The following SHANK2 variants were observed in gnomAD, a reference collection of about 807,000 sequenced individuals.
SHANK2 encodes the protein SH3 and multiple ankyrin repeat domains 2, also known as SH3 and multiple ankyrin repeat domains protein 2.
A neutral mutation model predicts 133.7 loss-of-function variants in SHANK2; 43 were observed. The ratio of observed to expected loss-of-function variants is 0.32; its 90% CI spans 0.25 to 0.41. The LOEUF (loss-of-function observed/expected upper bound fraction) is 0.41, where lower values mean the gene tolerates loss of function less well. Ranked by LOEUF, SHANK2 falls within the 10% of genes least tolerant of loss-of-function variation. SHANK2 has a pLI of 1.00. For synonymous variants in SHANK2, 1,017 were observed against 952.8 expected (o/e 1.07, Z -1.24); for missense variants, 1,994 against 2,235.8 (o/e 0.89, Z 2.18).
At chr11:70,876,621 A>G (rs1403007802) in intron 11 of SHANK2, among the ~76,000 whole-genome samples, 2 of 135,804 alleles carry the variant, frequency 1.5e-5, no homozygotes, top group African/African-American at 7.1e-5. Flanking sequence ...GCACACACAC[A>G]CATGCATACA....
At chr11:71,114,463 C>A (rs948557573) in intron 4 of SHANK2, among the ~76,000 whole-genome samples, 7 of 152,190 alleles carry the variant, frequency 4.6e-5, no homozygotes, top group African/African-American at 7.2e-5. Context: ...CTTTCTCCAC[C>A]ACGCCAAACA....
chr11:70,864,054 C>T, intron 11 of SHANK2: 1 of 343,088 alleles, frequency 2.9e-6, no homozygotes, highest in Non-Finnish European at 5.7e-6. Flanking sequence ...ACGACCTGGG[C>T]ACCTTGCAAG....
intron 14 of SHANK2, among the ~76,000 whole-genome samples, chr11:70,781,352 G>A (rs552123093): frequency 8.9e-4 from 134 of 151,008 alleles, no homozygotes; most frequent in Non-Finnish European, 1.7e-3. Flanking sequence ...TTATTGTCAG[G>A]ACCCTCAGAG....
chr11:70,474,303 C>CA, intron 25 of SHANK2: 1 of 152,488 alleles, frequency 6.6e-6, no homozygotes, highest in East Asian at 1.9e-4. Flanking sequence ...CTGTCTTCCC[C>CA]AGGGTGGCCA....
chr11:70,897,941 TAC>T (rs142602596), intron 10 of SHANK2, among the ~76,000 whole-genome samples: 27 of 149,218 alleles, frequency 1.8e-4, no homozygotes, highest in South Asian at 2.1e-4. Flanking sequence ...AATATACATA[TAC>T]ACACACACAC....
In SHANK2 at chr11:70,710,382, T is replaced by C. The variant is rs555807587; in HGVS notation, c.1778-11619A>G. On this transcript the variant is annotated intron_variant, in intron 14 of 25. Coordinates refer to ENST00000601538, the MANE Select transcript of SHANK2 (RefSeq NM_012309.5). ...GTGTCCCACTGCCCCCTCTCGGCTA[T>C]GGAATGGGGTAGGAGGGAAGCTTAA... is the stretch of plus-strand genomic sequence containing the variant. 2.0e-5 allele frequency among the ~76,000 whole-genome samples: 3 copies of C among 152,184 alleles called. No homozygotes were observed. The South Asian group carries it at 6.2e-4, about 32-fold the overall frequency.
chr11:70,618,167 G>A (rs1366202124), intron 17 of SHANK2, among the ~76,000 whole-genome samples: 8 of 151,776 alleles, frequency 5.3e-5, no homozygotes, highest in African/African-American at 1.5e-4. Flanking sequence ...GTGGTGGCAC[G>A]CCTGTAATCC....
intron 14 of SHANK2, among the ~76,000 whole-genome samples, chr11:70,753,317 C>CA (rs1251565218): frequency 9.2e-5 from 14 of 152,016 alleles, no homozygotes; most frequent in African/African-American, 3.4e-4. Context: ...AAAATACCAT[C>CA]AAAAGGACCG....
At chr11:70,693,613 G>A (rs1441425413) in intron 15 of SHANK2, among the ~76,000 whole-genome samples, 2 of 152,194 alleles carry the variant, frequency 1.3e-5, no homozygotes, top group Admixed American at 1.3e-4. Flanking sequence ...ACTTTATTGT[G>A]TACCTTTACT....
In SHANK2 at chr11:70,795,407, C is replaced by CTT. The variant is rs71049944; in HGVS notation, c.1777+3034_1777+3035dup. Among the ~76,000 whole-genome samples the CTT allele has an allele frequency of 6.7e-3, 854 of 128,416 alleles. 20 individuals carry two copies. Among genetic ancestry groups the CTT allele is most frequent in the South Asian group, 0.013 (54 of 4,130 alleles). The allele number at this position is 128,416 out of a possible 152,430, so 84.2% of individuals were successfully genotyped here. On this transcript the variant is annotated intron_variant, in intron 14 of 25. Coordinates refer to ENST00000601538, the MANE Select transcript of SHANK2 (RefSeq NM_012309.5). ...TTTCTTTTTTCTTTTCTTTCTTTTT[C>CTT]TTTTTTTTTTTTTTTTGAGATGGAG...
chr11:70,879,626 T>G (rs575955250), intron 11 of SHANK2, among the ~76,000 whole-genome samples: 18 of 152,336 alleles, frequency 1.2e-4, no homozygotes, highest in Admixed American at 6.5e-4. Context: ...TTAACAAAAA[T>G]TAAGATCTCT....
At chr11:70,824,753 T>C (rs1948611996) in intron 11 of SHANK2, among the ~76,000 whole-genome samples, 1 of 151,392 alleles carries the variant, frequency 6.6e-6, no homozygotes, top group Non-Finnish European at 1.5e-5. Flanking sequence ...CTTACAAAGA[T>C]ACGACTGGCC....
intron 11 of SHANK2, among the ~76,000 whole-genome samples, chr11:70,837,175 G>A (rs923401417): frequency 6.6e-6 from 1 of 152,214 alleles, no homozygotes; most frequent in Non-Finnish European, 1.5e-5. Flanking sequence ...TAAAGTGGCT[G>A]CAGCTAATGA....
Position 70,670,093 on chromosome 11 carries a change from C to A in SHANK2, c.1854-8415G>T, listed in dbSNP as rs562917004. 2.0e-5 allele frequency among the ~76,000 whole-genome samples: 3 copies of A among 152,298 alleles called. No individual in the cohort carries two copies. In the East Asian group the frequency reaches 5.8e-4, roughly 29 times the overall value. Reference sequence around the variant, plus strand: ...ACCTGGGAAAGCCAGGAAGGACTCCCCACAGAGAGACTGGGTGGTGCGTTT... The same window carrying A: ...ACCTGGGAAAGCCAGGAAGGACTCCACACAGAGAGACTGGGTGGTGCGTTT... On this transcript the variant is annotated intron_variant, in intron 15 of 25. Transcript: ENST00000601538.
chr11:70,583,167 C>G (rs1327985732), intron 17 of SHANK2, among the ~76,000 whole-genome samples: 3 of 152,124 alleles, frequency 2.0e-5, no homozygotes, highest in African/African-American at 7.2e-5. Flanking sequence ...AGCGGGGATG[C>G]CTTCATCTAT....
chr11:71,153,024 T>G (rs1280065426), intron 2 of SHANK2, among the ~76,000 whole-genome samples: 1 of 152,220 alleles, frequency 6.6e-6, no homozygotes, highest in East Asian at 1.9e-4. Flanking sequence ...TAAAAAACTC[T>G]CTGCTGTTCA....
intron 13 of SHANK2, among the ~76,000 whole-genome samples, chr11:70,803,035 G>A (rs1948081477): frequency 6.6e-6 from 1 of 152,114 alleles, no homozygotes; most frequent in African/African-American, 2.4e-5. Flanking sequence ...AGGTGGGGGC[G>A]AGGACACTCC....
At chr11:70,638,468 G>A (rs1179858167) in intron 17 of SHANK2, among the ~76,000 whole-genome samples, 1 of 152,188 alleles carries the variant, frequency 6.6e-6, no homozygotes, top group African/African-American at 2.4e-5. Flanking sequence ...CCCTGGGCCA[G>A]CCTGACCCCC....
At chr11:71,139,451 A>G (rs551426826) in intron 3 of SHANK2, among the ~76,000 whole-genome samples, 344 of 152,246 alleles carry the variant, frequency 2.3e-3, no homozygotes, top group African/African-American at 8.1e-3. Context: ...ATGTATACAT[A>G]TGTAACTAAC....
Sources: allele counts gnomAD v4.1 joint callset (sites outside exome capture counted in the v4.1 genomes callset), GRCh38; gene constraint gnomAD v4.1.1; transcripts MANE v1.5; gene names NCBI Gene and HGNC (gene_info 2026-07-23, HGNC 2026-07-21).